LDLRAD3: variants seen among roughly 807,000 people sequenced by gnomAD.
The protein encoded by LDLRAD3 is low density lipoprotein receptor class A domain containing 3.
In LDLRAD3, 20 loss-of-function variants were observed where a neutral mutation model predicts 29.4. The observed-to-expected ratio is 0.68, with a 90% CI of 0.48 to 0.99. LDLRAD3 has a LOEUF of 0.99. LDLRAD3 is among the 50% of genes least tolerant of loss of function. The probability of loss-of-function intolerance (pLI) is 0.00; values close to 1 mark genes in which losing one functional copy is unlikely to be tolerated. For synonymous variants in LDLRAD3, 157 were observed against 192.7 expected (o/e 0.81, Z 1.53); for missense variants, 420 against 454.3 (o/e 0.92, Z 0.69).
chr11:35,996,296 G>C (rs1851753537), intron 1 of LDLRAD3, among the ~76,000 whole-genome samples: 1 of 152,174 alleles, frequency 6.6e-6, no homozygotes, highest in Admixed American at 6.5e-5. Context: ...GGCCCGAGGA[G>C]AGGTAAAGAA....
chr11:36,199,686 C>T (rs116216457), intron 4 of LDLRAD3, among the ~76,000 whole-genome samples: 1,587 of 152,322 alleles, frequency 0.01, 30 homozygotes, highest in African/African-American at 0.036. Flanking sequence ...AACAGTAGCC[C>T]GTCCAGCTTC....
intron 4 of LDLRAD3, among the ~76,000 whole-genome samples, chr11:36,171,085 G>A (rs1450144431): frequency 1.3e-5 from 2 of 151,620 alleles, no homozygotes; most frequent in South Asian, 4.1e-4. Context: ...TAGGCGTGAC[G>A]TTTATCTTCT....
intron 4 of LDLRAD3, among the ~76,000 whole-genome samples, chr11:36,145,358 AG>A (rs1854172434): frequency 1.0e-5 from 1 of 95,366 alleles, no homozygotes; most frequent in Non-Finnish European, 2.1e-5. Context: ...CTGCCCGGCC[AG>A]CCGCCCCGTC....
intron 1 of LDLRAD3, among the ~76,000 whole-genome samples, chr11:36,015,863 A>G (rs926615274): frequency 3.9e-5 from 6 of 152,202 alleles, no homozygotes; most frequent in Admixed American, 6.5e-5. Context: ...GACCTCCCAC[A>G]AGCCTTGGGC....
intron 2 of LDLRAD3, among the ~76,000 whole-genome samples, chr11:36,038,987 T>TTA (rs1554959665): frequency 6.7e-6 from 1 of 148,966 alleles, no homozygotes; most frequent in African/African-American, 2.5e-5. Flanking sequence ...TTTTTTTTTT[T>TTA]AGACGGAGTC....
chr11:35,988,958 A>C (rs1200925374), intron 1 of LDLRAD3: 2 of 152,152 alleles, frequency 1.3e-5, no homozygotes, highest in Non-Finnish European at 2.9e-5. Context: ...GCCAAGACTG[A>C]TGTCCAGAAT....
intron 3 of LDLRAD3, among the ~76,000 whole-genome samples, chr11:36,083,406 G>C (rs1464012676): frequency 1.3e-5 from 2 of 151,936 alleles, no homozygotes; most frequent in Non-Finnish European, 1.5e-5. Flanking sequence ...CAAGTATAAA[G>C]AAGAAAGCAA....
intron 2 of LDLRAD3, among the ~76,000 whole-genome samples, chr11:36,066,691 T>C (rs1321731678): frequency 6.6e-6 from 1 of 152,236 alleles, no homozygotes; most frequent in Admixed American, 6.5e-5. Flanking sequence ...TAAAGGTCGA[T>C]GATAGCCACT....
intron 4 of LDLRAD3, among the ~76,000 whole-genome samples, chr11:36,133,195 A>ATTTTCTT (rs958679344): frequency 2.0e-4 from 9 of 45,916 alleles, no homozygotes; most frequent in African/African-American, 6.3e-4. Context: ...CCATTTGTCC[A>ATTTTCTT]TTTTCTTTTT....
intron 2 of LDLRAD3, among the ~76,000 whole-genome samples, chr11:36,061,756 A>G (rs986988977): frequency 2.6e-5 from 4 of 152,226 alleles, no homozygotes; most frequent in Non-Finnish European, 5.9e-5. Context: ...AGCATTTATC[A>G]GTAAGACCCA....
At chr11:36,074,506 A>G (rs1852962425) in intron 2 of LDLRAD3, among the ~76,000 whole-genome samples, 1 of 152,214 alleles carries the variant, frequency 6.6e-6, no homozygotes, top group Non-Finnish European at 1.5e-5. Context: ...TTGAGAAGGA[A>G]CAAGGAAGCC....
intron 2 of LDLRAD3, among the ~76,000 whole-genome samples, chr11:36,045,960 C>T (rs1361145177): frequency 1.3e-5 from 2 of 152,176 alleles, no homozygotes; most frequent in East Asian, 3.9e-4. Context: ...GCTCTCCCTC[C>T]CTTCGTCCCC....
intron 4 of LDLRAD3, among the ~76,000 whole-genome samples, chr11:36,116,844 C>CTTTTTTTTTTTTTTTTT: frequency 7.3e-6 from 1 of 136,984 alleles, no homozygotes; most frequent in African/African-American, 2.7e-5. Context: ...TTCTTTTTTT[C>CTTTTTTTTTTTTTTTTT]TTTTTTTTTT....
intron 4 of LDLRAD3, among the ~76,000 whole-genome samples, chr11:36,150,819 A>G (rs61879008): frequency 0.16 from 24,941 of 152,116 alleles, 2,435 homozygotes; most frequent in Non-Finnish European, 0.22. Flanking sequence ...GTTGAAGCTG[A>G]ATGCCCATGC....
At chr11:36,226,058 C>A (rs1590370274) in intron 4 of LDLRAD3, among the ~76,000 whole-genome samples, 1 of 139,930 alleles carries the variant, frequency 7.1e-6, no homozygotes, top group Non-Finnish European at 1.5e-5. Flanking sequence ...CAGAGCGAGA[C>A]CCTGTCTCAA....
intron 4 of LDLRAD3, among the ~76,000 whole-genome samples, chr11:36,137,391 A>C (rs1268125342): frequency 6.6e-6 from 1 of 152,288 alleles, no homozygotes; most frequent in Non-Finnish European, 1.5e-5. Flanking sequence ...ACATAATCTC[A>C]TGAGTTCATT....
At chr11:35,981,778 A>G (rs1055158275) in intron 1 of LDLRAD3, among the ~76,000 whole-genome samples, 2 of 152,164 alleles carry the variant, frequency 1.3e-5, no homozygotes, top group Non-Finnish European at 2.9e-5. Context: ...TTCGACAGGA[A>G]CCAGCTGTAG....
intron 1 of LDLRAD3, among the ~76,000 whole-genome samples, chr11:35,963,886 C>T (rs974150687): frequency 3.9e-5 from 6 of 152,130 alleles, no homozygotes; most frequent in African/African-American, 1.4e-4. Context: ...AGAGGGAAAA[C>T]GTGCACGTGG....
intron 4 of LDLRAD3, among the ~76,000 whole-genome samples, chr11:36,183,695 A>C (rs1854800504): frequency 6.6e-6 from 1 of 152,240 alleles, no homozygotes; most frequent in African/African-American, 2.4e-5. Flanking sequence ...TGTTTTAATA[A>C]GCTCCAAAGG....
Sources: gnomAD v4.1 joint callset for allele counts (sites outside exome capture counted in the v4.1 genomes callset) on GRCh38, gnomAD v4.1.1 for gene constraint, MANE v1.5 for transcripts, NCBI Gene and HGNC (gene_info 2026-07-23, HGNC 2026-07-21) for gene names.